CSNK1G3: variants seen among roughly 807,000 people sequenced by gnomAD.
The protein encoded by CSNK1G3 is casein kinase 1 gamma 3.
In CSNK1G3, 23 loss-of-function variants were observed where a neutral mutation model predicts 64.3. The ratio of observed to expected loss-of-function variants is 0.36; its 90% CI spans 0.26 to 0.51. The LOEUF (loss-of-function observed/expected upper bound fraction) is 0.51. CSNK1G3 is among the 20% of genes least tolerant of loss of function. The pLI is 0.96. For synonymous variants in CSNK1G3, 158 were observed against 162.2 expected (o/e 0.97, Z 0.20); for missense variants, 357 against 510.5 (o/e 0.70, Z 2.90).
intron 2 of CSNK1G3, among the ~76,000 whole-genome samples, chr5:123,549,341 C>A (rs977042573): frequency 1.3e-5 from 2 of 152,072 alleles, no homozygotes; most frequent in Admixed American, 6.6e-5. Context: ...CTTAAAAAAC[C>A]TTTCTGGCTG....
chr5:123,518,650 G>A (rs375980286), intron 1 of CSNK1G3, among the ~76,000 whole-genome samples: 4 of 152,144 alleles, frequency 2.6e-5, no homozygotes, highest in Admixed American at 6.6e-5. Context: ...TCACATGAAC[G>A]TCCTAACTAG....
At chr5:123,577,709 T>C (rs1789455537) in intron 6 of CSNK1G3, among the ~76,000 whole-genome samples, 1 of 151,794 alleles carries the variant, frequency 6.6e-6, no homozygotes, top group African/African-American at 2.4e-5. Flanking sequence ...ATTCTTATTT[T>C]ATTGAAGAGT....
chr5:123,518,807 A>G (rs186102879), intron 1 of CSNK1G3, among the ~76,000 whole-genome samples: 50 of 152,194 alleles, frequency 3.3e-4, no homozygotes, highest in East Asian at 2.7e-3. Flanking sequence ...AATTTGGGGG[A>G]TATGGATGTT....
At position 123,553,159 on chromosome 5, in the gene CSNK1G3, T is replaced by C; in HGVS notation, c.219+12T>C. ...TGGCAATTAAGTTGGTAAGTTCCTG[T>C]TTCTTAATTTTTCTTAATGATTTCT... On this transcript the variant is annotated intron_variant, in intron 3 of 12. Coordinates refer to ENST00000345990, the Ensembl canonical transcript of CSNK1G3. The C allele has an allele frequency of 8.1e-7, 1 of 1,241,270 alleles. No homozygotes were observed. The allele number at this position is 1,241,270 out of a possible 1,614,324, so 76.9% of individuals were successfully genotyped here.
intron 4 of CSNK1G3, 148 bp downstream of exon 4, chr5:123,557,712 C>T: frequency 1.8e-6 from 1 of 556,868 alleles, no homozygotes; most frequent in Non-Finnish European, 3.1e-6. Context: ...TCTTAGGATC[C>T]CTTTTTTATT....
At chr5:123,605,610 A>C (rs1051347260) in intron 12 of CSNK1G3, among the ~76,000 whole-genome samples, 4 of 152,134 alleles carry the variant, frequency 2.6e-5, no homozygotes, top group African/African-American at 9.6e-5. Context: ...TTTTAATTGC[A>C]TAGATGATAC....
At chr5:123,592,232 A>G (rs1792503691) in intron 10 of CSNK1G3, among the ~76,000 whole-genome samples, 1 of 152,014 alleles carries the variant, frequency 6.6e-6, no homozygotes, top group Admixed American at 6.6e-5. Flanking sequence ...AGAGTGAATA[A>G]TATAAAATAT....
At chr5:123,544,960 A>G (rs1421814598) in intron 1 of CSNK1G3, among the ~76,000 whole-genome samples, 3 of 106,326 alleles carry the variant, frequency 2.8e-5, no homozygotes, top group Non-Finnish European at 6.0e-5. Flanking sequence ...ATGATAATAT[A>G]TATTTAAAAA....
At chr5:123,573,596 C>G (rs186108015) in intron 5 of CSNK1G3, 55 bp downstream of exon 5, 13 of 1,452,744 alleles carry the variant, frequency 8.9e-6, no homozygotes, top group Non-Finnish European at 1.1e-5. Context: ...TTGTTGGTCA[C>G]AAATTCATAT....
At chr5:123,525,861 G>C (rs1778966272) in intron 1 of CSNK1G3, among the ~76,000 whole-genome samples, 1 of 151,770 alleles carries the variant, frequency 6.6e-6, no homozygotes, top group African/African-American at 2.4e-5. Flanking sequence ...AGTCGGGCGT[G>C]GTGGCGGGCG....
intron 6 of CSNK1G3, among the ~76,000 whole-genome samples, chr5:123,580,507 T>C (rs890590309): frequency 6.6e-6 from 1 of 152,000 alleles, no homozygotes; most frequent in Non-Finnish European, 1.5e-5. Context: ...ACCTTTCTTA[T>C]AGCTGCTTAA....
At position 123,601,235 on chromosome 5, in the gene CSNK1G3, T is replaced by C. The variant is rs755863273; in HGVS notation, c.1087-3489T>C. Reference sequence around the variant, plus strand: ...CTTCCAGGAGTATAATGATATATTATTTACAGTAGTATATCTTCATTTCTT... The same window carrying C: ...CTTCCAGGAGTATAATGATATATTACTTACAGTAGTATATCTTCATTTCTT... On this transcript the variant is annotated intron_variant, in intron 10 of 12. Coordinates refer to ENST00000345990, the Ensembl canonical transcript of CSNK1G3. Among the ~76,000 whole-genome samples the C allele has an allele frequency of 4.6e-5, 7 of 152,214 alleles. No homozygotes were observed. In the South Asian group the frequency reaches 1.4e-3, roughly 32 times the overall value.
intron 1 of CSNK1G3, among the ~76,000 whole-genome samples, chr5:123,513,676 A>G (rs532941261): frequency 2.4e-4 from 37 of 152,332 alleles, no homozygotes; most frequent in African/African-American, 8.4e-4. Context: ...ATGGCAAACT[A>G]TATCTAAGAT....
intron 6 of CSNK1G3, among the ~76,000 whole-genome samples, chr5:123,587,823 A>T (rs1402205936): frequency 6.6e-6 from 1 of 152,194 alleles, no homozygotes; most frequent in Non-Finnish European, 1.5e-5. Context: ...ATCTAAGCAG[A>T]TAAATAAATC....
At chr5:123,552,768 A>T (rs1561506402) in intron 2 of CSNK1G3, among the ~76,000 whole-genome samples, 1 of 152,142 alleles carries the variant, frequency 6.6e-6, no homozygotes, top group African/African-American at 2.4e-5. Context: ...CTTATATAGG[A>T]GTTCTCGTTT....
chr5:123,545,596 T>C (rs1255917027), exon 2 of CSNK1G3: 2 of 1,350,214 alleles, frequency 1.5e-6, no homozygotes, highest in African/African-American at 2.9e-5. Flanking sequence ...GTACCTATTT[T>C]CACAATACCC....
intron 12 of CSNK1G3, among the ~76,000 whole-genome samples, chr5:123,610,985 A>T (rs1581461266): frequency 6.6e-6 from 1 of 152,302 alleles, no homozygotes; most frequent in South Asian, 2.1e-4. Flanking sequence ...GCAGATAATA[A>T]ATAAATAAAA....
At chr5:123,574,722 G>C (rs1174313331) in intron 5 of CSNK1G3, among the ~76,000 whole-genome samples, 1 of 151,926 alleles carries the variant, frequency 6.6e-6, no homozygotes, top group Non-Finnish European at 1.5e-5. Flanking sequence ...CCCAACTGCT[G>C]AGGAGGTTGA....
chr5:123,583,068 G>A (rs2150865294), intron 6 of CSNK1G3, among the ~76,000 whole-genome samples: 1 of 152,272 alleles, frequency 6.6e-6, no homozygotes, highest in African/African-American at 2.4e-5. Context: ...ATCACCTTAT[G>A]ACCGTGGCTT....
Sources: allele counts gnomAD v4.1 joint callset (sites outside exome capture counted in the v4.1 genomes callset), GRCh38; gene constraint gnomAD v4.1.1; transcripts MANE v1.5; gene names NCBI Gene and HGNC (gene_info 2026-07-23, HGNC 2026-07-21).